TICRR: variants seen among roughly 807,000 people sequenced by gnomAD.
TICRR encodes TOPBP1 interacting checkpoint and replication regulator, also known as treslin.
Under a neutral mutation model 178.1 loss-of-function variants are expected in TICRR, and 132 were observed. That is an observed-to-expected ratio of 0.74 (90% CI 0.64 to 0.86). TICRR has a LOEUF of 0.86. Ranked by LOEUF, TICRR falls within the 40% of genes least tolerant of loss-of-function variation. The pLI is 0.00. For synonymous variants in TICRR, 991 were observed against 900.7 expected (o/e 1.10, Z -1.79); for missense variants, 2,587 against 2,334.3 (o/e 1.11, Z -2.23).
intron 13 of TICRR, among the ~76,000 whole-genome samples, chr15:89,605,833 G>GA (rs1443124583): frequency 6.6e-6 from 1 of 151,790 alleles, no homozygotes; most frequent in Non-Finnish European, 1.5e-5. Flanking sequence ...ATGATGAATT[G>GA]AAAAAACAAA....
At chr15:89,593,590 C>T (rs974221376) in intron 5 of TICRR, among the ~76,000 whole-genome samples, 4 of 152,292 alleles carry the variant, frequency 2.6e-5, no homozygotes, top group African/African-American at 7.2e-5. Context: ...TCTGCAGTCC[C>T]AGCTACTTGG....
chr15:89,620,258 G>A, intron 18 of TICRR, among the ~76,000 whole-genome samples: 1 of 152,024 alleles, frequency 6.6e-6, no homozygotes, highest in East Asian at 1.9e-4. Flanking sequence ...ACCCAGGCTG[G>A]AGTGCAGTGG....
chr15:89,619,605 C>A, intron 17 of TICRR, 103 bp from the exon 18 acceptor site: 1 of 1,241,970 alleles, frequency 8.1e-7, no homozygotes, highest in Non-Finnish European at 1.1e-6. Flanking sequence ...GAATTTCCAT[C>A]TTATATGTGG....
In TICRR at chr15:89,625,429, G is replaced by A. The variant is rs376690498; in HGVS notation, c.5119G>A (p.Ala1707Thr). ...CTCTTCCGGGAGGGGCGAGGTCGGTGCAGACCTTCCTGGGAGCCTGTCACT... is the reference window on the plus strand; with the variant it reads ...CTCTTCCGGGAGGGGCGAGGTCGGTACAGACCTTCCTGGGAGCCTGTCACT... ...GSSSGRGEVG[A>T]DLPGSLSLLE... Residue 1707 changes from alanine to threonine, a missense_variant, in exon 20 of 22, where the codon GCA (alanine) becomes ACA (threonine). Physicochemically the swap from Ala to Thr is moderately conservative, Grantham distance 58. Transcript: ENST00000268138. 1.8e-5 allele frequency: 29 copies of A among 1,613,890 alleles called. No individual in the cohort carries two copies. The highest frequency in any genetic ancestry group is 2.1e-5 in the Non-Finnish European group (25 of 1,180,026).
At position 89,582,861 on chromosome 15, in the gene TICRR, C is replaced by T. The variant is rs1291365513; in HGVS notation, c.830C>T (p.Ser277Leu). 1 of 1,614,168 alleles carries T rather than the reference C, an allele frequency of 6.2e-7. No individual in the cohort carries two copies. The stretch of plus-strand genomic sequence containing the variant: ...GAACCTCATCTTTCTCCGTGGATTT[C>T]AATGCTGCCAACTGATGCCACTTTA... ...SSEPHLSPWI[S>L]MLPTDATLNR... is the part of the protein sequence containing the mutation. The change falls in exon 2 of 22, where the codon TCA (serine) becomes TTA (leucine). Residue 277 changes from serine (S) to leucine (L), a missense_variant. By Grantham distance (145) the Ser-to-Leu change is moderately radical (BLOSUM62 -2). Coordinates refer to ENST00000268138, the MANE Select transcript of TICRR (RefSeq NM_152259.4).
rs558420665 is a variant in TICRR, at chr15:89,596,440, G to A, written c.1900+829G>A. Among the ~76,000 whole-genome samples, 11 of 152,080 alleles carry A rather than the reference G, an allele frequency of 7.2e-5. No homozygotes were observed. In the South Asian group the frequency reaches 2.3e-3, roughly 32 times the overall value. ...TGGCTCACTGCAACCTCTGCCTCCCGGGTTCAAGCGATTCTCCTGTCTCAG... is the reference window on the plus strand; with the variant it reads ...TGGCTCACTGCAACCTCTGCCTCCCAGGTTCAAGCGATTCTCCTGTCTCAG... On this transcript the variant is annotated intron_variant, in intron 7 of 21. Coordinates refer to ENST00000268138, the MANE Select transcript of TICRR (RefSeq NM_152259.4).
rs1963421538 is a variant in TICRR at position 89,621,309 on chromosome 15, C to T, written c.3155-84C>T. ...GTGCTGGGATTACAGGCGTGAGCCA[C>T]CATGCGTGGCTGGCTGTTTTAATAG... On this transcript the variant is annotated intron_variant, in intron 18 of 21. Transcript: ENST00000268138. 5 of 1,410,730 alleles carry T rather than the reference C, an allele frequency of 3.5e-6. No homozygotes were observed. In the East Asian group the frequency reaches 9.4e-5, roughly 26 times the overall value. 87.4% of individuals were successfully genotyped at this position (1,410,730 alleles called of 1,614,324 possible).
intron 19 of TICRR, 35 bp from the exon 20 acceptor site, chr15:89,623,588 T>C: frequency 1.3e-6 from 2 of 1,562,078 alleles, no homozygotes; most frequent in Non-Finnish European, 1.7e-6. Flanking sequence ...TGAGTTATAA[T>C]ATTCAAGGAC....
Position 89,575,575 on chromosome 15 carries a change from G to T in TICRR, c.-12G>T. ...GCCCGGACCGGGGCCCCGGGGCGGC[G>T]GCACGGCCGATATGGCATGCTGTCA... On this transcript the variant is annotated 5_prime_UTR_variant, in exon 1 of 22. Coordinates refer to ENST00000268138, the MANE Select transcript of TICRR (RefSeq NM_152259.4). The T allele has an allele frequency of 2.1e-6, 3 of 1,454,766 alleles. No individual in the cohort carries two copies. The highest frequency in any genetic ancestry group is 2.7e-6 in the Non-Finnish European group (3 of 1,111,354). 90.1% of individuals were successfully genotyped at this position (1,454,766 alleles called of 1,614,324 possible).
chr15:89,606,864 A>C (rs749920249), intron 14 of TICRR, 39 bp downstream of exon 14: 1 of 1,557,590 alleles, frequency 6.4e-7, no homozygotes, highest in Non-Finnish European at 8.8e-7. Flanking sequence ...ATTCACTAGC[A>C]TGACAACTTT....
intron 1 of TICRR, among the ~76,000 whole-genome samples, chr15:89,578,646 ATC>A (rs201455261): frequency 3.7e-5 from 5 of 134,570 alleles, no homozygotes; most frequent in East Asian, 4.5e-4. Flanking sequence ...TTTCTCTTTA[ATC>A]TCTCTCTCTC....
chr15:89,610,684 C>T (rs968260135), intron 15 of TICRR, among the ~76,000 whole-genome samples: 1 of 151,888 alleles, frequency 6.6e-6, no homozygotes, highest in Non-Finnish European at 1.5e-5. Context: ...GTGCTTAATC[C>T]ACTTCTATGA....
At position 89,592,048 on chromosome 15, in the gene TICRR, T is replaced by C; in HGVS notation, c.1413T>C (p.Ala471=). The C allele has an allele frequency of 6.2e-7, 1 of 1,606,240 alleles. No individual in the cohort carries two copies. The highest frequency in any genetic ancestry group is 1.1e-5 in the South Asian group (1 of 90,544). ...HDSLADTASA[A]SPVPEWAQQE... The stretch of plus-strand genomic sequence containing the variant: ...GCCGCTGCTCCTTTGCTCCAATAGC[T>C]TCTCCTGTTCCAGAGTGGGCCCAGC... Residue 471 remains alanine, a splice_region_variant and synonymous_variant, in exon 5 of 22, where the codon GCT becomes GCC. Coordinates refer to ENST00000268138, the MANE Select transcript of TICRR (RefSeq NM_152259.4).
intron 5 of TICRR, among the ~76,000 whole-genome samples, chr15:89,592,595 A>G (rs997145252): frequency 6.6e-6 from 1 of 152,198 alleles, no homozygotes; most frequent in Non-Finnish European, 1.5e-5. Flanking sequence ...CCAACATGAG[A>G]AGTAAATAAG....
chr15:89,596,439 C>T (rs887486523), intron 7 of TICRR, among the ~76,000 whole-genome samples: 1 of 152,006 alleles, frequency 6.6e-6, no homozygotes, highest in Non-Finnish European at 1.5e-5. Context: ...CTCTGCCTCC[C>T]GGGTTCAAGC....
At chr15:89,591,844 TG>T (rs2141958582) in intron 4 of TICRR, 1 of 420,826 alleles carries the variant, frequency 2.4e-6, no homozygotes, top group East Asian at 3.3e-5. Flanking sequence ...CTTTAAATTG[TG>T]TCTGTATGTT....
chr15:89,581,102 T>A (rs1234439948), intron 1 of TICRR, among the ~76,000 whole-genome samples: 2 of 152,342 alleles, frequency 1.3e-5, no homozygotes, highest in East Asian at 3.9e-4. Flanking sequence ...TGTCTATCAT[T>A]GCCTTGCTGG....
At chr15:89,614,016 T>C (rs188995387) in intron 15 of TICRR, among the ~76,000 whole-genome samples, 1,528 of 151,886 alleles carry the variant, frequency 0.01, 27 homozygotes, top group African/African-American at 0.035. Flanking sequence ...TAGCCGGGCG[T>C]GGTGGCGGGC....
chr15:89,617,912 G>A (rs897622766), intron 16 of TICRR: 15 of 456,456 alleles, frequency 3.3e-5, no homozygotes, highest in Middle Eastern at 1.2e-3. Context: ...GACTGGTCTC[G>A]AACTCCTGAC....
Sources: allele counts gnomAD v4.1 joint callset (sites outside exome capture counted in the v4.1 genomes callset), GRCh38; gene constraint gnomAD v4.1.1; transcripts MANE v1.5; gene names NCBI Gene and HGNC (gene_info 2026-07-23, HGNC 2026-07-21).